The following SLIT1 variants were observed in gnomAD, a reference collection of about 807,000 sequenced individuals.
The protein encoded by SLIT1 is slit guidance ligand 1, also known as slit homolog 1 protein.
A neutral mutation model predicts 186.1 loss-of-function variants in SLIT1; 66 were observed. The ratio of observed to expected loss-of-function variants is 0.35; its 90% CI spans 0.29 to 0.44. SLIT1 has a LOEUF of 0.44. Among genes scored for constraint, SLIT1 ranks in the 20% least tolerant of loss-of-function variants. The pLI, the probability that SLIT1 is intolerant of heterozygous loss-of-function variation, is 1.00. For missense variants in SLIT1, 1,638 were observed against 2,037.4 expected, an observed-to-expected ratio of 0.80 and a Z score of 3.77; for synonymous variants, 761 against 833.8, an observed-to-expected ratio of 0.91 and a Z score of 1.50.
chr10:97,164,979 G>T, intron 1 of SLIT1, 89 bp from the exon 2 acceptor site: 1 of 966,206 alleles, frequency 1.0e-6, no homozygotes, highest in Non-Finnish European at 1.7e-6. Flanking sequence ...TCCCCGCCTG[G>T]ATCAGCCAGT....
chr10:97,009,289 T>G (rs1311303443), intron 31 of SLIT1, among the ~76,000 whole-genome samples: 1 of 152,218 alleles, frequency 6.6e-6, no homozygotes, highest in Non-Finnish European at 1.5e-5. Flanking sequence ...AGCATCCAGA[T>G]AGTCATACAG....
At position 97,011,602 on chromosome 10, in the gene SLIT1, C is replaced by G. The variant is rs151118072; in HGVS notation, c.3204-472G>C. Reference sequence around the variant, plus strand: ...CAGTCCTCAGCAGGGCTAGTGCCCCCTGCTCAGTGGGTGCCTTGACCTCAG... The same window carrying G: ...CAGTCCTCAGCAGGGCTAGTGCCCCGTGCTCAGTGGGTGCCTTGACCTCAG... On this transcript the variant is annotated intron_variant, in intron 30 of 36. Coordinates refer to ENST00000266058, the MANE Select transcript of SLIT1 (RefSeq NM_003061.3). Among the ~76,000 whole-genome samples the G allele has an allele frequency of 7.5e-3, 1,146 of 152,312 alleles. 4 individuals are homozygous for G. Among genetic ancestry groups the G allele is most frequent in the South Asian group, 0.018 (88 of 4,824 alleles).
intron 4 of SLIT1, among the ~76,000 whole-genome samples, chr10:97,135,890 G>A (rs982341277): frequency 8.5e-5 from 13 of 152,168 alleles, no homozygotes; most frequent in African/African-American, 2.9e-4. Flanking sequence ...ATGCCCAGGA[G>A]CTGACACACT....
chr10:97,157,729 T>C, intron 4 of SLIT1, 89 bp downstream of exon 4: 1 of 972,056 alleles, frequency 1.0e-6, no homozygotes, highest in Non-Finnish European at 1.7e-6. Context: ...CATGGGAATA[T>C]CCAGGCCCCA....
At chr10:97,023,829 G>C (rs1235999004) in intron 25 of SLIT1, among the ~76,000 whole-genome samples, 1 of 152,190 alleles carries the variant, frequency 6.6e-6, no homozygotes, top group Non-Finnish European at 1.5e-5. Flanking sequence ...TGTAGCCCCA[G>C]CTACTCGGAA....
At chr10:97,144,168 A>G (rs1169567485) in intron 4 of SLIT1, among the ~76,000 whole-genome samples, 2 of 150,314 alleles carry the variant, frequency 1.3e-5, no homozygotes, top group East Asian at 3.9e-4. Flanking sequence ...ATTGCACTCC[A>G]GTCTAGGCGA....
chr10:97,017,898 G>T (rs1298193433), intron 28 of SLIT1, among the ~76,000 whole-genome samples: 1 of 151,232 alleles, frequency 6.6e-6, no homozygotes, highest in Admixed American at 6.6e-5. Flanking sequence ...GCTCAGGCTG[G>T]AGTGCAGTGG....
At chr10:97,053,846 T>A (rs1848812543) in intron 13 of SLIT1, among the ~76,000 whole-genome samples, 3 of 152,286 alleles carry the variant, frequency 2.0e-5, no homozygotes, top group Admixed American at 1.3e-4. Context: ...GAAAAAAGAA[T>A]GTTAGAATTC....
chr10:97,050,109 C>A (rs1848774181), intron 13 of SLIT1, among the ~76,000 whole-genome samples: 1 of 152,150 alleles, frequency 6.6e-6, no homozygotes, highest in Admixed American at 6.5e-5. Context: ...GATTGTGCCA[C>A]TGCACTCCAG....
chr10:97,172,351 C>A (rs1057086564), intron 1 of SLIT1, among the ~76,000 whole-genome samples: 1 of 152,106 alleles, frequency 6.6e-6, no homozygotes, highest in African/African-American at 2.4e-5. Context: ...CAGCCAGAGC[C>A]AATTTATATT....
At chr10:97,163,535 C>T in intron 2 of SLIT1, 84 bp from the exon 3 acceptor site, 3 of 1,110,076 alleles carry the variant, frequency 2.7e-6, no homozygotes, top group Non-Finnish European at 4.1e-6. Flanking sequence ...GGGGCAGAGG[C>T]AACCTCTGCC....
At chr10:97,039,960 G>A in intron 21 of SLIT1, 28 bp downstream of exon 21, 1 of 1,611,602 alleles carries the variant, frequency 6.2e-7, no homozygotes, top group Non-Finnish European at 8.5e-7. Flanking sequence ...GGACCCACGT[G>A]AAGGGGGCAA....
At chr10:97,045,754 T>C (rs926474812) in intron 18 of SLIT1, among the ~76,000 whole-genome samples, 2 of 152,218 alleles carry the variant, frequency 1.3e-5, no homozygotes, top group African/African-American at 2.4e-5. Flanking sequence ...ATTTGCTTTT[T>C]GTAAAATAAA....
intron 4 of SLIT1, among the ~76,000 whole-genome samples, chr10:97,106,545 C>T (rs777121862): frequency 5.9e-5 from 9 of 152,068 alleles, no homozygotes; most frequent in Non-Finnish European, 1.3e-4. Context: ...CCCAGTGCAG[C>T]GCAAGTGTTA....
At chr10:97,125,580 T>C (rs1226533724) in intron 4 of SLIT1, among the ~76,000 whole-genome samples, 1 of 148,614 alleles carries the variant, frequency 6.7e-6, no homozygotes, top group Non-Finnish European at 1.5e-5. Flanking sequence ...GGCTCATGCC[T>C]GTAATCCCAG....
At chr10:97,158,228 T>C (rs17112469) in intron 3 of SLIT1, among the ~76,000 whole-genome samples, 23,060 of 152,212 alleles carry the variant, frequency 0.15, 3,084 homozygotes, top group African/African-American at 0.36. Flanking sequence ...CCAATGCTGT[T>C]TCCCTTTGTG....
In SLIT1 at chr10:97,063,625, G is replaced by T; in HGVS notation, c.630-7C>A. On this transcript the variant is annotated splice_region_variant and splice_polypyrimidine_tract_variant and intron_variant, in intron 7 of 36. Coordinates refer to ENST00000266058, the MANE Select transcript of SLIT1 (RefSeq NM_003061.3). ...GTGGTTGGAGTGCAGGCGGCTGCAAGAGGACAGGATGGCTCACAACCCATC... is the reference window on the plus strand; with the variant it reads ...GTGGTTGGAGTGCAGGCGGCTGCAATAGGACAGGATGGCTCACAACCCATC... 6.3e-7 allele frequency: 1 copy of T among 1,594,996 alleles called. No individual in the cohort carries two copies. The highest frequency in any genetic ancestry group is 1.2e-5 in the South Asian group (1 of 86,160).
At position 97,185,777 on chromosome 10, in the gene SLIT1, G is replaced by C; in HGVS notation, c.-103C>G. On this transcript the variant is annotated 5_prime_UTR_variant, in exon 1 of 37. Coordinates refer to ENST00000266058, the MANE Select transcript of SLIT1 (RefSeq NM_003061.3). ...GCAGTCCCGGGGCAGAGCCACCGAA[G>C]AGCCCGCGGGCTTGCGCGCGGCGCC... is the stretch of plus-strand genomic sequence containing the variant. The C allele has an allele frequency of 1.9e-6, 2 of 1,055,398 alleles. No homozygotes were observed. The highest frequency in any genetic ancestry group is 2.5e-6 in the Non-Finnish European group (2 of 786,688). The allele number at this position is 1,055,398 out of a possible 1,614,324, so 65.4% of individuals were successfully genotyped here.
In SLIT1 at chr10:97,185,481, C is replaced by T; in HGVS notation, c.194G>A (p.Arg65His). The change falls in exon 1 of 37, where the codon CGC becomes CAC. Residue 65 changes from arginine to histidine, a missense_variant. By Grantham distance (29) the Arg-to-His change is conservative (BLOSUM62 0). Transcript: ENST00000266058. ...CAGGGGCGGGGACCATACTCACAGG[C>T]GCTCGGTGTTCCGAGGTATATTCTT... ...IPKNIPRNTE[R>H]LELNGNNITR... is the part of the protein sequence containing the mutation. The T allele has an allele frequency of 6.2e-7, 1 of 1,611,344 alleles. No individual in the cohort carries two copies. The highest frequency in any genetic ancestry group is 8.5e-7 in the Non-Finnish European group (1 of 1,179,236).
Sources: allele counts gnomAD v4.1 joint callset (sites outside exome capture counted in the v4.1 genomes callset), GRCh38; gene constraint gnomAD v4.1.1; transcripts MANE v1.5; gene names NCBI Gene and HGNC (gene_info 2026-07-23, HGNC 2026-07-21).